Variants in CNOT6 observed in about 807,000 individuals in gnomAD.
The protein encoded by CNOT6 is carbon catabolite repression 4 protein.
A neutral mutation model predicts 61.2 loss-of-function variants in CNOT6; 12 were observed. That is an observed-to-expected ratio of 0.20 (90% CI 0.13 to 0.32). The LOEUF (loss-of-function observed/expected upper bound fraction) is 0.32, where lower values mean the gene tolerates loss of function less well. Ranked by LOEUF, CNOT6 falls within the 10% of genes least tolerant of loss-of-function variation. CNOT6 has a pLI of 1.00. For missense variants in CNOT6, 405 were observed against 663.9 expected, an observed-to-expected ratio of 0.61 and a Z score of 4.28; for synonymous variants, 225 against 240.6, an observed-to-expected ratio of 0.94 and a Z score of 0.60.
chr5:180,503,137 C>A (rs180964384), intron 1 of CNOT6, among the ~76,000 whole-genome samples: 1 of 152,224 alleles, frequency 6.6e-6, no homozygotes. Context: ...ATTTAATCCT[C>A]ACACCAAAAT....
rs770857285 is a variant in CNOT6, at chr5:180,571,448, G to A, written c.1461+16G>A. On this transcript the variant is annotated intron_variant, in intron 11 of 11. Transcript: ENST00000261951. ...TGATTTCAAGGTGTGTCTTGAGACT[G>A]ATAAGCTTTTCAAACCTGTCTTTTA... The A allele has an allele frequency of 1.2e-6, 2 of 1,601,658 alleles. No homozygotes were observed. The highest frequency in any genetic ancestry group is 1.1e-5 in the South Asian group (1 of 90,534).
intron 2 of CNOT6, among the ~76,000 whole-genome samples, chr5:180,545,633 T>G (rs867805770): frequency 7.2e-5 from 11 of 152,366 alleles, no homozygotes; most frequent in African/African-American, 2.2e-4. Context: ...TTGAACACAC[T>G]TGGGTTGTTT....
chr5:180,559,859 C>G lies in CNOT6; in HGVS notation c.386-4630C>G, dbSNP rs575381318. On this transcript the variant is annotated intron_variant, in intron 4 of 11. Coordinates refer to ENST00000261951, the MANE Select transcript of CNOT6 (RefSeq NM_001370472.1). The stretch of plus-strand genomic sequence containing the variant: ...TACCAGTTCAAGGGAAATATCAAAC[C>G]TTAGCTCTCTTTACATCCTTTTATT... 3.9e-5 allele frequency among the ~76,000 whole-genome samples: 6 copies of G among 152,040 alleles called. No individual in the cohort carries two copies. In the South Asian group the frequency reaches 1.2e-3, roughly 32 times the overall value.
intron 4 of CNOT6, among the ~76,000 whole-genome samples, chr5:180,555,582 A>AT (rs1278639351): frequency 9.9e-5 from 15 of 151,874 alleles, no homozygotes; most frequent in Non-Finnish European, 1.8e-4. Context: ...AAATCCTTTT[A>AT]TTTTTTCTGA....
At chr5:180,534,079 G>A (rs184787595) in intron 2 of CNOT6, 2 of 152,968 alleles carry the variant, frequency 1.3e-5, no homozygotes, top group Admixed American at 1.3e-4. Flanking sequence ...ACCTCTATAG[G>A]GGGGTGGGAA....
intron 3 of CNOT6, among the ~76,000 whole-genome samples, chr5:180,551,402 T>G (rs1157211898): frequency 6.6e-6 from 1 of 152,010 alleles, no homozygotes; most frequent in East Asian, 1.9e-4. Flanking sequence ...AAATGGTCAT[T>G]GCTATGTTTA....
chr5:180,547,683 A>G (rs1016375021), intron 2 of CNOT6, among the ~76,000 whole-genome samples: 2 of 152,132 alleles, frequency 1.3e-5, no homozygotes, highest in Non-Finnish European at 2.9e-5. Flanking sequence ...TAAGATGTAC[A>G]TGTAATTTTC....
At chr5:180,546,302 T>C in intron 2 of CNOT6, among the ~76,000 whole-genome samples, 1 of 152,196 alleles carries the variant, frequency 6.6e-6, no homozygotes, top group Non-Finnish European at 1.5e-5. Context: ...TTCTTCACTC[T>C]CTTGTTTTGA....
chr5:180,496,524 C>A (rs969100148), intron 1 of CNOT6, among the ~76,000 whole-genome samples: 1 of 152,080 alleles, frequency 6.6e-6, no homozygotes. Context: ...GAACGAGATG[C>A]TGAACGAAAT....
intron 2 of CNOT6, among the ~76,000 whole-genome samples, chr5:180,529,906 G>C (rs1006189814): frequency 6.6e-6 from 1 of 152,208 alleles, no homozygotes; most frequent in Admixed American, 6.5e-5. Context: ...GTTTGAAGAA[G>C]ATCTCAAATT....
chr5:180,503,592 C>T (rs1334531384), intron 1 of CNOT6, among the ~76,000 whole-genome samples: 1 of 141,064 alleles, frequency 7.1e-6, no homozygotes, highest in Non-Finnish European at 1.5e-5. Context: ...TGACACTGTG[C>T]CCTACTTCCT....
At position 180,551,430 on chromosome 5, in the gene CNOT6, G is replaced by T. The variant is rs1005499464; in HGVS notation, c.299+1313G>T. Among the ~76,000 whole-genome samples, 6 of 152,134 alleles carry T rather than the reference G, an allele frequency of 3.9e-5. No individual in the cohort carries two copies. In the East Asian group the frequency reaches 9.6e-4, roughly 24 times the overall value. ...TATGTTTATTTTGATAGAGATGAGG[G>T]TCTCACTATGTTGCCCAGGCAGGTC... On this transcript the variant is annotated intron_variant, in intron 3 of 11. Coordinates refer to ENST00000261951, the MANE Select transcript of CNOT6 (RefSeq NM_001370472.1).
At chr5:180,495,428 C>A (rs1442769650) in intron 1 of CNOT6, 2 of 152,192 alleles carry the variant, frequency 1.3e-5, no homozygotes, top group Non-Finnish European at 2.9e-5. Context: ...CAGCACTAAT[C>A]GCTATTTTCT....
At chr5:180,547,246 G>A (rs1256833213) in intron 2 of CNOT6, among the ~76,000 whole-genome samples, 1 of 151,898 alleles carries the variant, frequency 6.6e-6, no homozygotes, top group Non-Finnish European at 1.5e-5. Flanking sequence ...CTGGCCAGGC[G>A]CTGTGCCTCA....
At chr5:180,495,993 G>A (rs1322498785) in intron 1 of CNOT6, among the ~76,000 whole-genome samples, 1 of 152,148 alleles carries the variant, frequency 6.6e-6, no homozygotes, top group Non-Finnish European at 1.5e-5. Context: ...GCTCACTGCA[G>A]CCTTCGCCTC....
chr5:180,575,811 T>C lies in CNOT6; in HGVS notation c.*1611T>C, dbSNP rs561754677. The C allele has an allele frequency of 1.3e-5, 2 of 152,554 alleles. No homozygotes were observed. The highest frequency in any genetic ancestry group is 1.9e-4 in the East Asian group (1 of 5,166). 9.5% of individuals were successfully genotyped at this position (152,554 alleles called of 1,614,324 possible). On this transcript the variant is annotated 3_prime_UTR_variant, in exon 12 of 12. Coordinates refer to ENST00000261951, the MANE Select transcript of CNOT6 (RefSeq NM_001370472.1). ...CAGGCAGGGGAGCAAAAGGACGCCA[T>C]GTGAGCATTAGGAAAAAAAATACTC...
chr5:180,544,708 C>T (rs1433888478), intron 2 of CNOT6, among the ~76,000 whole-genome samples: 1 of 152,178 alleles, frequency 6.6e-6, no homozygotes, highest in African/African-American at 2.4e-5. Flanking sequence ...GCCATAAATC[C>T]GTAGAAGTTG....
chr5:180,555,535 TAGC>T (rs1759839976), intron 4 of CNOT6, among the ~76,000 whole-genome samples: 1 of 152,264 alleles, frequency 6.6e-6, no homozygotes, highest in African/African-American at 2.4e-5. Context: ...ACATCTGTAA[TAGC>T]AGTCTTCTTT....
chr5:180,553,439 A>T lies in CNOT6; in HGVS notation c.353A>T (p.Lys118Ile). ...LLRVLPFELGKLFQLQTLGLK... is the reference protein window; with the variant it reads ...LLRVLPFELGILFQLQTLGLK... ...CGAGTTCTACCTTTTGAGCTGGGAAAACTGTTTCAGTTGCAGACTTTAGGC... is the reference window on the plus strand; with the variant it reads ...CGAGTTCTACCTTTTGAGCTGGGAATACTGTTTCAGTTGCAGACTTTAGGC... The change falls in exon 4 of 12, where the codon AAA becomes ATA. Residue 118 changes from lysine (K) to isoleucine (I), a missense_variant. By Grantham distance (102) the Lys-to-Ile change is moderately radical. This residue lies in a region of CNOT6 where 212 missense variants were observed against 307.1 expected (regional missense o/e 0.69). Transcript: ENST00000261951. The T allele has an allele frequency of 2.5e-6, 4 of 1,613,928 alleles. No homozygotes were observed. The highest frequency in any genetic ancestry group is 3.4e-6 in the Non-Finnish European group (4 of 1,179,900).
Sources: allele counts gnomAD v4.1 joint callset (sites outside exome capture counted in the v4.1 genomes callset), GRCh38; gene constraint gnomAD v4.1.1; regional missense constraint gnomAD v4.1.1; transcripts MANE v1.5; gene names NCBI Gene and HGNC (gene_info 2026-07-23, HGNC 2026-07-21).